KANSL1L: variants seen among roughly 807,000 people sequenced by gnomAD.
The protein encoded by KANSL1L is KAT8 regulatory NSL complex subunit 1-like protein.
In KANSL1L, 25 loss-of-function variants were observed where a neutral mutation model predicts 108.6. The observed-to-expected ratio is 0.23, with a 90% CI of 0.17 to 0.32. The LOEUF (loss-of-function observed/expected upper bound fraction) is 0.32, where lower values mean the gene tolerates loss of function less well. KANSL1L is among the 10% of genes least tolerant of loss of function. The pLI is 1.00. For missense variants in KANSL1L, 1,137 were observed against 1,125.7 expected (o/e 1.01, Z -0.14); for synonymous variants, 405 against 395.1 (o/e 1.03, Z -0.30).
In KANSL1L at chr2:210,154,007, T is replaced by C; in HGVS notation, c.576A>G (p.Leu192=). ...KVTDAEIKKG[L]LHCTQKKIVP... ...CAATTTTCTTTTGAGTACAGTGCAA[T>C]AAACCCTTTTTAATCTCAGCATCAG... is the stretch of plus-strand genomic sequence containing the variant. Residue 192 remains leucine (L), a synonymous_variant, in exon 2 of 15, where the codon TTA becomes TTG. Coordinates refer to ENST00000281772, the MANE Select transcript of KANSL1L (RefSeq NM_152519.4). 6.2e-7 allele frequency: 1 copy of C among 1,613,936 alleles called. No homozygotes were observed. Among genetic ancestry groups the C allele is most frequent in the Non-Finnish European group, 8.5e-7 (1 of 1,180,012 alleles).
chr2:210,099,876 A>G (rs1172632558), intron 4 of KANSL1L, among the ~76,000 whole-genome samples: 1 of 152,230 alleles, frequency 6.6e-6, no homozygotes, highest in Non-Finnish European at 1.5e-5. Context: ...TGAATAAGAA[A>G]AGTAAAATTA....
intron 1 of KANSL1L, among the ~76,000 whole-genome samples, chr2:210,160,985 ATT>A (rs753694386): frequency 1.4e-4 from 19 of 133,416 alleles, no homozygotes; most frequent in African/African-American, 1.4e-4. Flanking sequence ...CATACGGCCA[ATT>A]TTTTTTTTTT....
intron 11 of KANSL1L, among the ~76,000 whole-genome samples, chr2:210,028,089 T>G (rs2093961957): frequency 6.6e-6 from 1 of 152,220 alleles, no homozygotes; most frequent in Non-Finnish European, 1.5e-5. Flanking sequence ...TCATGATTTC[T>G]AAAAAGTTTG....
chr2:210,111,416 G>A (rs1042342353), intron 3 of KANSL1L, among the ~76,000 whole-genome samples: 7 of 152,142 alleles, frequency 4.6e-5, no homozygotes, highest in Non-Finnish European at 1.0e-4. Flanking sequence ...TGACTTATAT[G>A]AAATTCTAGA....
intron 1 of KANSL1L, among the ~76,000 whole-genome samples, chr2:210,156,463 G>C (rs2095333694): frequency 6.6e-6 from 1 of 151,366 alleles, no homozygotes; most frequent in Non-Finnish European, 1.5e-5. Flanking sequence ...AAAATGTGAT[G>C]GAATACTATA....
intron 6 of KANSL1L, among the ~76,000 whole-genome samples, chr2:210,055,396 G>T (rs907421721): frequency 6.6e-6 from 1 of 152,192 alleles, no homozygotes; most frequent in Non-Finnish European, 1.5e-5. Flanking sequence ...CTATCAGGAT[G>T]CCGGAAAATG....
intron 1 of KANSL1L, among the ~76,000 whole-genome samples, chr2:210,162,238 ATATATG>A (rs1397511332): frequency 7.0e-6 from 1 of 143,742 alleles, no homozygotes; most frequent in East Asian, 2.0e-4. Context: ...ATATATATAT[ATATATG>A]TATATCAATA....
chr2:210,081,616 C>G (rs1055314463), intron 5 of KANSL1L, among the ~76,000 whole-genome samples: 3 of 152,144 alleles, frequency 2.0e-5, no homozygotes, highest in African/African-American at 7.2e-5. Flanking sequence ...TTTTGTTTAT[C>G]CTTGCATCAG....
rs949870085 is a variant in KANSL1L at position 210,027,453 on chromosome 2, A to G, written c.2397-103T>C. 18 of 724,708 alleles carry G rather than the reference A, an allele frequency of 2.5e-5. No homozygotes were observed. The African/African-American group carries it at 3.2e-4, about 13-fold the overall frequency. The allele number at this position is 724,708 out of a possible 1,614,324, so 44.9% of individuals were successfully genotyped here. Reference sequence around the variant, plus strand: ...GTATTAGTGTTTCCTTGGCACTTCCATGGTTCAAATTGTTGTATTTTAATA... The same window carrying G: ...GTATTAGTGTTTCCTTGGCACTTCCGTGGTTCAAATTGTTGTATTTTAATA... On this transcript the variant is annotated intron_variant, in intron 11 of 14. Transcript: ENST00000281772.
intron 5 of KANSL1L, among the ~76,000 whole-genome samples, chr2:210,082,439 C>A (rs147323047): frequency 5.9e-5 from 9 of 152,300 alleles, no homozygotes; most frequent in South Asian, 2.1e-4. Context: ...TGTGAAAGAT[C>A]CATATCCTTA....
chr2:210,146,545 G>T, intron 2 of KANSL1L, among the ~76,000 whole-genome samples: 1 of 152,138 alleles, frequency 6.6e-6, no homozygotes, highest in Non-Finnish European at 1.5e-5. Flanking sequence ...TATGAAGGTG[G>T]TTTATTTTTA....
At chr2:210,037,241 CTA>C (rs527702306) in intron 8 of KANSL1L, among the ~76,000 whole-genome samples, 220 of 152,198 alleles carry the variant, frequency 1.4e-3, no homozygotes, top group Non-Finnish European at 2.7e-3. Flanking sequence ...ATCACATACT[CTA>C]TTACTTTTTC....
At chr2:210,042,620 A>C (rs2125188305) in intron 7 of KANSL1L, among the ~76,000 whole-genome samples, 1 of 152,312 alleles carries the variant, frequency 6.6e-6, no homozygotes, top group Non-Finnish European at 1.5e-5. Flanking sequence ...AACAGAACAA[A>C]GATATCTATT....
chr2:210,088,338 A>C (rs1178362502), intron 5 of KANSL1L: 1 of 152,276 alleles, frequency 6.6e-6, no homozygotes, highest in Non-Finnish European at 1.5e-5. Flanking sequence ...AAAAATCCAA[A>C]GGCCGAAATC....
intron 8 of KANSL1L, chr2:210,032,268 T>G (rs2094028967): frequency 6.6e-6 from 1 of 152,126 alleles, no homozygotes; most frequent in Non-Finnish European, 1.5e-5. Flanking sequence ...AGTGTCTGGT[T>G]TCAAGATGGC....
intron 5 of KANSL1L, among the ~76,000 whole-genome samples, chr2:210,089,601 A>G (rs975428384): frequency 2.0e-5 from 3 of 152,170 alleles, no homozygotes; most frequent in Non-Finnish European, 4.4e-5. Flanking sequence ...AACAAAATAT[A>G]TAAAAGTTGT....
In KANSL1L at chr2:210,153,875, G is replaced by C. The variant is rs200078168; in HGVS notation, c.708C>G (p.Ser236Arg). ...AATGTTTCTGAGTTCTTCTAGCCTG[G>C]CTAAGTAAAATTTTCTGTTTGCTTA... ...HCVSKQKILL[S>R]QARRTQKHLQ... Residue 236 changes from serine (S) to arginine (R), a missense_variant, in exon 2 of 15, where the codon AGC (serine) becomes AGG (arginine). Around this residue, in one of 3 missense-constraint regions of KANSL1L, gnomAD observed 556 missense variants for 537.7 expected, o/e 1.03. Transcript: ENST00000281772. The C allele has an allele frequency of 3.1e-6, 5 of 1,612,742 alleles. No homozygotes were observed. In the African/African-American group the frequency reaches 4.0e-5, roughly 13 times the overall value.
At chr2:210,033,123 TAGAA>T (rs1292916746) in intron 8 of KANSL1L, among the ~76,000 whole-genome samples, 1 of 152,072 alleles carries the variant, frequency 6.6e-6, no homozygotes, top group Non-Finnish European at 1.5e-5. Context: ...AAGATGAGAC[TAGAA>T]AGAGTGAAAA....
At chr2:210,166,864 C>T (rs1335746494) in intron 1 of KANSL1L, among the ~76,000 whole-genome samples, 2 of 151,874 alleles carry the variant, frequency 1.3e-5, no homozygotes, top group South Asian at 2.1e-4. Flanking sequence ...ATATAGCTAA[C>T]CTAGGCCAAT....
Sources: gnomAD v4.1 joint callset for allele counts (sites outside exome capture counted in the v4.1 genomes callset) on GRCh38, gnomAD v4.1.1 for gene constraint, gnomAD v4.1.1 regional missense constraint, MANE v1.5 for transcripts, NCBI Gene and HGNC (gene_info 2026-07-23, HGNC 2026-07-21) for gene names.